The following GOLIM4 variants were observed in gnomAD, a reference collection of about 807,000 sequenced individuals.
The protein encoded by GOLIM4 is golgi integral membrane protein 4, also known as 130 kDa golgi-localized phosphoprotein.
In GOLIM4, 71 loss-of-function variants were observed where a neutral mutation model predicts 107.4. The ratio of observed to expected loss-of-function variants is 0.66; its 90% CI spans 0.55 to 0.81. GOLIM4 has a LOEUF of 0.81. GOLIM4 is among the 30% of genes least tolerant of loss of function. The probability of loss-of-function intolerance (pLI) is 0.00; values close to 1 mark genes in which losing one functional copy is unlikely to be tolerated. For missense variants in GOLIM4, 830 were observed against 826.1 expected, an observed-to-expected ratio of 1.00 and a Z score of -0.06; for synonymous variants, 327 against 294.8, an observed-to-expected ratio of 1.11 and a Z score of -1.12.
chr3:168,030,635 A>T (rs1306226450), intron 9 of GOLIM4, among the ~76,000 whole-genome samples: 2 of 152,126 alleles, frequency 1.3e-5, no homozygotes, highest in Non-Finnish European at 2.9e-5. Flanking sequence ...AATCTGATAC[A>T]GCAATTCTTA....
chr3:168,065,766 G>A (rs1409441960), intron 1 of GOLIM4, among the ~76,000 whole-genome samples: 2 of 152,194 alleles, frequency 1.3e-5, no homozygotes, highest in Non-Finnish European at 2.9e-5. Flanking sequence ...ACTCAGCAGA[G>A]CTCTGCATGT....
chr3:168,020,938 G>A (rs1717645145), intron 14 of GOLIM4, among the ~76,000 whole-genome samples: 1 of 152,132 alleles, frequency 6.6e-6, no homozygotes, highest in South Asian at 2.1e-4. Context: ...CTTTTATAAT[G>A]TAGACATACA....
chr3:168,067,233 T>A (rs1029651474), intron 1 of GOLIM4, among the ~76,000 whole-genome samples: 1 of 152,062 alleles, frequency 6.6e-6, no homozygotes, highest in Admixed American at 6.6e-5. Flanking sequence ...AATGATGGAA[T>A]AAAAACTACC....
chr3:168,094,676 T>C (rs1722073087), intron 1 of GOLIM4, among the ~76,000 whole-genome samples: 1 of 152,218 alleles, frequency 6.6e-6, no homozygotes, highest in South Asian at 2.1e-4. Flanking sequence ...TCTTCATTTT[T>C]TAAGCAACTG....
chr3:168,088,349 G>A (rs949851541), intron 1 of GOLIM4, among the ~76,000 whole-genome samples: 1 of 152,004 alleles, frequency 6.6e-6, no homozygotes, highest in African/African-American at 2.4e-5. Context: ...ATAAAAAGAA[G>A]CCCAATGTTA....
intron 1 of GOLIM4, among the ~76,000 whole-genome samples, chr3:168,073,570 C>T (rs7629050): frequency 0.47 from 71,405 of 151,882 alleles, 17,499 homozygotes; most frequent in Middle Eastern, 0.55. Context: ...AAGGTCCTTA[C>T]AATCGCATGG....
chr3:168,091,225 T>C (rs1201654597), intron 1 of GOLIM4, among the ~76,000 whole-genome samples: 1 of 152,252 alleles, frequency 6.6e-6, no homozygotes, highest in African/African-American at 2.4e-5. Context: ...TAGGAACATA[T>C]AAACCTTACA....
intron 1 of GOLIM4, among the ~76,000 whole-genome samples, chr3:168,070,192 G>A (rs924370538): frequency 2.6e-5 from 4 of 152,156 alleles, no homozygotes; most frequent in Admixed American, 6.5e-5. Context: ...AGGAGATGGA[G>A]ACCATCCTGG....
intron 14 of GOLIM4, among the ~76,000 whole-genome samples, chr3:168,014,932 C>CA (rs1371625899): frequency 6.7e-6 from 1 of 150,178 alleles, no homozygotes; most frequent in Non-Finnish European, 1.5e-5. Flanking sequence ...CAGCCAATAT[C>CA]ATACTGAATG....
chr3:168,016,952 T>C (rs1271384646), intron 14 of GOLIM4, among the ~76,000 whole-genome samples: 1 of 145,086 alleles, frequency 6.9e-6, no homozygotes, highest in South Asian at 2.1e-4. Flanking sequence ...AGATGACGAG[T>C]TAGTGGGTGC....
intron 1 of GOLIM4, among the ~76,000 whole-genome samples, chr3:168,091,376 C>A (rs1721900943): frequency 6.6e-6 from 1 of 152,190 alleles, no homozygotes. Flanking sequence ...TCTCCCAGAT[C>A]TCACAGCACA....
At chr3:168,073,605 T>C (rs990968306) in intron 1 of GOLIM4, among the ~76,000 whole-genome samples, 1 of 152,112 alleles carries the variant, frequency 6.6e-6, no homozygotes, top group Non-Finnish European at 1.5e-5. Context: ...ACAAGATATA[T>C]AATAAACAAG....
At chr3:168,027,475 T>C (rs944057837) in intron 12 of GOLIM4, among the ~76,000 whole-genome samples, 23 of 137,044 alleles carry the variant, frequency 1.7e-4, no homozygotes, top group African/African-American at 7.9e-4. Context: ...CTAAAAGTCA[T>C]CAGAAAAAAA....
Position 168,041,416 on chromosome 3 carries a change from T to C in GOLIM4, c.576A>G (p.Ile192Met). The change falls in exon 6 of 16, where the codon ATA becomes ATG. Residue 192 changes from isoleucine to methionine, a missense_variant. Physicochemically the swap from Ile to Met is conservative, Grantham distance 10. Coordinates refer to ENST00000470487, the MANE Select transcript of GOLIM4 (RefSeq NM_014498.5). Reference sequence around the variant, plus strand: ...CCTTGACATCTTGAAGCTGTGTATGTATGTCTTGGTGTGCTTTCCTTAGTT... The same window carrying C: ...CCTTGACATCTTGAAGCTGTGTATGCATGTCTTGGTGTGCTTTCCTTAGTT... ...NRQLRKAHQD[I>M]HTQLQDVKQQ... 1 of 1,590,610 alleles carries C rather than the reference T, an allele frequency of 6.3e-7. No individual in the cohort carries two copies. The highest frequency in any genetic ancestry group is 1.1e-5 in the South Asian group (1 of 90,534).
Position 168,039,524 on chromosome 3 carries a change from A to G in GOLIM4, c.684+1262T>C, listed in dbSNP as rs1394981175. 2.0e-5 allele frequency among the ~76,000 whole-genome samples: 3 copies of G among 152,254 alleles called. No homozygotes were observed. In the East Asian group the frequency reaches 5.8e-4, roughly 29 times the overall value. ...GGTGATCCACCCGCCTCGGCCTCCCAAAGTGCTGGGATTACAGGCATGAGC... is the reference window on the plus strand; with the variant it reads ...GGTGATCCACCCGCCTCGGCCTCCCGAAGTGCTGGGATTACAGGCATGAGC... On this transcript the variant is annotated intron_variant, in intron 7 of 15. Transcript: ENST00000470487.
intron 1 of GOLIM4, among the ~76,000 whole-genome samples, chr3:168,063,871 C>A (rs1720407518): frequency 6.6e-6 from 1 of 151,356 alleles, no homozygotes; most frequent in African/African-American, 2.4e-5. Context: ...TACCCCCGAG[C>A]CTAAAAGTTG....
intron 1 of GOLIM4, among the ~76,000 whole-genome samples, chr3:168,077,721 T>G (rs56304245): frequency 0.011 from 1,682 of 152,268 alleles, 30 homozygotes; most frequent in African/African-American, 0.039. Flanking sequence ...CAACTAATAA[T>G]AATTTTCTTT....
chr3:168,075,320 G>T, intron 1 of GOLIM4, among the ~76,000 whole-genome samples: 1 of 111,094 alleles, frequency 9.0e-6, no homozygotes, highest in African/African-American at 3.7e-5. Context: ...TTTTTGAGAC[G>T]GAGTCTCGCT....
chr3:168,072,463 T>C (rs1184102841), intron 1 of GOLIM4, among the ~76,000 whole-genome samples: 1 of 151,256 alleles, frequency 6.6e-6, no homozygotes, highest in African/African-American at 2.4e-5. Context: ...TGAGGCATTC[T>C]GACTCCAAAG....
Sources: allele counts gnomAD v4.1 joint callset (sites outside exome capture counted in the v4.1 genomes callset), GRCh38; gene constraint gnomAD v4.1.1; transcripts MANE v1.5; gene names NCBI Gene and HGNC (gene_info 2026-07-23, HGNC 2026-07-21).